Variants in MYCBPAP observed in about 807,000 individuals in gnomAD.
MYCBPAP encodes MYCBP-associated protein.
Under a neutral mutation model 106.1 loss-of-function variants are expected in MYCBPAP, and 60 were observed. The ratio of observed to expected loss-of-function variants is 0.57; its 90% CI spans 0.46 to 0.70. The LOEUF (loss-of-function observed/expected upper bound fraction) is 0.70, where lower values mean the gene tolerates loss of function less well. MYCBPAP is among the 30% of genes least tolerant of loss of function. The pLI, the probability that MYCBPAP is intolerant of heterozygous loss-of-function variation, is 0.00. For missense variants in MYCBPAP, 1,064 were observed against 1,169.3 expected (o/e 0.91, Z 1.31); for synonymous variants, 407 against 440.6 (o/e 0.92, Z 0.95).
At chr17:50,514,583 C>T (rs371454736) in intron 1 of MYCBPAP, among the ~76,000 whole-genome samples, 54 of 151,982 alleles carry the variant, frequency 3.6e-4, no homozygotes, top group Non-Finnish European at 5.9e-4. Flanking sequence ...CCTTCTGCCC[C>T]GGGTGTTGTC....
intron 8 of MYCBPAP, 35 bp from the exon 9 acceptor site, chr17:50,521,281 A>G (rs946888968): frequency 1.9e-5 from 30 of 1,593,178 alleles, no homozygotes; most frequent in Non-Finnish European, 2.6e-5. Context: ...GCCTGTCTTC[A>G]GTCAGCTCAT....
chr17:50,511,293 C>T (rs1161140006), intron 1 of MYCBPAP, among the ~76,000 whole-genome samples: 2 of 152,018 alleles, frequency 1.3e-5, no homozygotes, highest in Non-Finnish European at 2.9e-5. Flanking sequence ...CTTTTGAGTC[C>T]TAGTACCCTC....
At chr17:50,509,691 C>A (rs2033754337) in intron 1 of MYCBPAP, 1 of 156,420 alleles carries the variant, frequency 6.4e-6, no homozygotes, top group Non-Finnish European at 1.4e-5. Flanking sequence ...CCACTGCGCC[C>A]AGCCTATTTT....
chr17:50,516,674 A>C lies in MYCBPAP; in HGVS notation c.181A>C (p.Ile61Leu), dbSNP rs1396096610. 4 of 1,613,994 alleles carry C rather than the reference A, an allele frequency of 2.5e-6. No individual in the cohort carries two copies. The highest frequency in any genetic ancestry group is 1.3e-5 in the African/African-American group (1 of 74,932). ...AGGAGATGACATTCTTGCCTTGGCC[A>C]TTAAGAAGGAAGACTTGAAGGAGGT... The part of the protein sequence containing the change: ...LQGDDILALA[I>L]KKEDLKEQHI... Residue 61 changes from isoleucine (I) to leucine (L), a missense_variant, in exon 2 of 19, where the codon ATT (isoleucine) becomes CTT (leucine). Transcript: ENST00000323776.
At chr17:50,527,432 G>A (rs2034497962) in intron 15 of MYCBPAP, 24 bp downstream of exon 15, 1 of 1,612,970 alleles carries the variant, frequency 6.2e-7, no homozygotes, top group Non-Finnish European at 8.5e-7. Context: ...CAGGAGAGCT[G>A]CCCCATCTCC....
intron 1 of MYCBPAP, among the ~76,000 whole-genome samples, chr17:50,515,653 A>G (rs1040598951): frequency 6.6e-6 from 1 of 152,168 alleles, no homozygotes; most frequent in African/African-American, 2.4e-5. Context: ...AGCTGTATTC[A>G]TAAAACTCCC....
chr17:50,510,499 G>GTGTGTGTGTATA (rs1418345705), intron 1 of MYCBPAP: 13 of 76,414 alleles, frequency 1.7e-4, no homozygotes, highest in African/African-American at 5.0e-4. Flanking sequence ...GTGTGTGTGT[G>GTGTGTGTGTATA]TATATATATA....
At chr17:50,519,291 C>T (rs1428398043) in intron 6 of MYCBPAP, 2 of 592,966 alleles carry the variant, frequency 3.4e-6, no homozygotes, top group African/African-American at 3.7e-5. Context: ...CTGTGGTGAC[C>T]ACACAGGTAG....
In MYCBPAP at chr17:50,523,802, A is replaced by T; in HGVS notation, c.1635+18A>T. On this transcript the variant is annotated intron_variant, in intron 12 of 18. Transcript: ENST00000323776. The stretch of plus-strand genomic sequence containing the variant: ...TACTGGAGGTAAGGGACCCAGGACC[A>T]TGGCCCCTGTGGACATCAGGTAGGG... The T allele has an allele frequency of 6.2e-7, 1 of 1,608,768 alleles. No individual in the cohort carries two copies.
intron 12 of MYCBPAP, among the ~76,000 whole-genome samples, chr17:50,524,247 G>A (rs1027324047): frequency 6.6e-6 from 1 of 152,192 alleles, no homozygotes; most frequent in African/African-American, 2.4e-5. Context: ...GTGTGAGGTG[G>A]GAGCTTGGAA....
intron 6 of MYCBPAP, 151 bp from the exon 7 acceptor site, chr17:50,519,489 C>T: frequency 1.1e-6 from 1 of 919,282 alleles, no homozygotes; most frequent in Non-Finnish European, 1.6e-6. Flanking sequence ...GAAAACACGG[C>T]AGTGGATGCT....
intron 1 of MYCBPAP, chr17:50,515,745 G>A (rs1567883758): frequency 6.6e-6 from 1 of 152,236 alleles, no homozygotes; most frequent in Non-Finnish European, 1.5e-5. Context: ...CACATGGAAA[G>A]CCTGAGGCCT....
intron 1 of MYCBPAP, chr17:50,510,495 GTGTGTATATATATATATA>G (rs1280681028): frequency 1.1e-5 from 1 of 93,068 alleles, no homozygotes; most frequent in Admixed American, 1.1e-4. Flanking sequence ...GTGTGTGTGT[GTGTGTATATATATATATA>G]TATATATATA....
At chr17:50,520,506 A>AAAAT (rs71146993) in intron 7 of MYCBPAP, among the ~76,000 whole-genome samples, 101 of 151,178 alleles carry the variant, frequency 6.7e-4, no homozygotes, top group African/African-American at 1.6e-3. Context: ...ACTCTGTCTT[A>AAAAT]AAATAAATAA....
chr17:50,523,754 C>T lies in MYCBPAP; in HGVS notation c.1605C>T (p.Asp535=), dbSNP rs370983290. Residue 535 remains aspartate (D), a synonymous_variant, in exon 12 of 19, where the codon GAC becomes GAT. Transcript: ENST00000323776. ...VNLHAVSLTQ[D]VFEDERKVLE... Reference sequence around the variant, plus strand: ...TCCACGCGGTCTCCCTGACCCAGGACGTTTTTGAGGATGAGAGGAAAGTAC... The same window carrying T: ...TCCACGCGGTCTCCCTGACCCAGGATGTTTTTGAGGATGAGAGGAAAGTAC... 8.1e-6 allele frequency: 13 copies of T among 1,613,938 alleles called. No individual in the cohort carries two copies. The highest frequency in any genetic ancestry group is 4.0e-5 in the African/African-American group (3 of 74,898).
At chr17:50,509,376 C>T (rs1047954337) in intron 1 of MYCBPAP, 2 of 504,352 alleles carry the variant, frequency 4.0e-6, no homozygotes, top group African/African-American at 1.9e-5. Flanking sequence ...TGCTTCCTAC[C>T]CTCTACAGCT....
rs2034288146 is a variant in MYCBPAP at position 50,522,324 on chromosome 17, C to T, written c.1257+243C>T. 3.5e-5 allele frequency: 14 copies of T among 396,462 alleles called. No individual in the cohort carries two copies. In the South Asian group the frequency reaches 4.3e-4, roughly 12 times the overall value. The allele number at this position is 396,462 out of a possible 1,614,324, so 24.6% of individuals were successfully genotyped here. ...CCCCAAGCATGTAAACAAGCAAACT[C>T]AAGTAGGTATGGCTCTAAGAAGGTT... is the stretch of plus-strand genomic sequence containing the variant. On this transcript the variant is annotated intron_variant, in intron 10 of 18. Transcript: ENST00000323776.
upstream of MYCBPAP, chr17:50,508,250 G>A: frequency 6.8e-6 from 2 of 293,344 alleles, no homozygotes; most frequent in South Asian, 1.2e-4. Context: ...CGCCCCACCC[G>A]CCCCCCGTGG....
Position 50,519,705 on chromosome 17 carries a change from C to T in MYCBPAP, c.834C>T (p.Val278=), listed in dbSNP as rs1049685372. Residue 278 remains valine, a synonymous_variant, in exon 7 of 19, where the codon GTC becomes GTT. Transcript: ENST00000323776. Reference sequence around the variant, plus strand: ...TGGGAGATGAGATGACAGGTCTGGTCATGACCAAGACAAAAACTCAGCGTG... The same window carrying T: ...TGGGAGATGAGATGACAGGTCTGGTTATGACCAAGACAAAAACTCAGCGTG... The part of the protein sequence containing the change: ...EYLGDEMTGL[V]MTKTKTQRGL... 6.2e-7 allele frequency: 1 copy of T among 1,613,996 alleles called. No individual in the cohort carries two copies. Among genetic ancestry groups the T allele is most frequent in the African/African-American group, 1.3e-5 (1 of 74,924 alleles).
Sources: gnomAD v4.1 joint callset for allele counts (sites outside exome capture counted in the v4.1 genomes callset) on GRCh38, gnomAD v4.1.1 for gene constraint, MANE v1.5 for transcripts, NCBI Gene and HGNC (gene_info 2026-07-23, HGNC 2026-07-21) for gene names.